PDSS2: variants seen among roughly 807,000 people sequenced by gnomAD.
PDSS2 encodes decaprenyl diphosphate synthase subunit 2.
In PDSS2, 31 loss-of-function variants were observed where a neutral mutation model predicts 44.5. That is an observed-to-expected ratio of 0.70 (90% CI 0.52 to 0.94). The LOEUF (loss-of-function observed/expected upper bound fraction) is 0.94, where lower values mean the gene tolerates loss of function less well. Ranked by LOEUF, PDSS2 falls within the 40% of genes least tolerant of loss-of-function variation. The probability of loss-of-function intolerance (pLI) is 0.00; values close to 1 mark genes in which losing one functional copy is unlikely to be tolerated. For synonymous variants in PDSS2, 157 were observed against 180.3 expected (o/e 0.87, Z 1.03); for missense variants, 452 against 482.2 (o/e 0.94, Z 0.59).
rs60758453 is a variant in PDSS2 at position 107,458,412 on chromosome 6, C to CAAAAAAAAAAAAAAAAAAAAAA, written c.296+577_296+578insTTTTTTTTTTTTTTTTTTTTTT. Among the ~76,000 whole-genome samples the CAAAAAAAAAAAAAAAAAAAAAA allele has an allele frequency of 1.0e-3, 80 of 78,138 alleles. 12 individuals carry two copies. Among genetic ancestry groups the CAAAAAAAAAAAAAAAAAAAAAA allele is most frequent in the African/African-American group, 2.6e-3 (40 of 15,628 alleles). The allele number at this position is 78,138 out of a possible 152,430, so 51.3% of individuals were successfully genotyped here. On this transcript the variant is annotated intron_variant, in intron 1 of 7. Coordinates refer to ENST00000369037, the MANE Select transcript of PDSS2 (RefSeq NM_020381.4). ...TGGGCGACAAAGCGAGACTCCGTCT[C>CAAAAAAAAAAAAAAAAAAAAAA]AAAAAAAAAAAAAAAAAAAACTTTT...
intron 1 of PDSS2, among the ~76,000 whole-genome samples, chr6:107,388,696 G>C (rs1159132020): frequency 6.6e-6 from 1 of 152,118 alleles, no homozygotes; most frequent in South Asian, 2.1e-4. Flanking sequence ...CTGACGTCGT[G>C]ATCCACCCAC....
chr6:107,276,455 G>T (rs1162268454), intron 2 of PDSS2, among the ~76,000 whole-genome samples: 1 of 152,154 alleles, frequency 6.6e-6, no homozygotes, highest in African/African-American at 2.4e-5. Context: ...TAGTTCCTAG[G>T]TCCCTGACTG....
chr6:107,260,136 C>T (rs1408937680), intron 3 of PDSS2, among the ~76,000 whole-genome samples: 1 of 152,168 alleles, frequency 6.6e-6, no homozygotes, highest in African/African-American at 2.4e-5. Flanking sequence ...TCACAGTTTA[C>T]AATATCAGAA....
chr6:107,429,937 TAC>T (rs1554280500), intron 1 of PDSS2, among the ~76,000 whole-genome samples: 14 of 99,650 alleles, frequency 1.4e-4, no homozygotes, highest in East Asian at 3.1e-4. Context: ...TATATATATA[TAC>T]ACCAAACCCA....
chr6:107,411,879 C>CTTT (rs145161415), intron 1 of PDSS2, among the ~76,000 whole-genome samples: 215 of 93,780 alleles, frequency 2.3e-3, no homozygotes, highest in East Asian at 6.8e-3. Flanking sequence ...TCTTCTTCTT[C>CTTT]TTTTTTTTTT....
intron 2 of PDSS2, among the ~76,000 whole-genome samples, chr6:107,325,922 T>C (rs1269509367): frequency 6.6e-6 from 1 of 152,206 alleles, no homozygotes; most frequent in Admixed American, 6.5e-5. Context: ...TTTTCATTTA[T>C]AGTGTCAAGT....
intron 3 of PDSS2, among the ~76,000 whole-genome samples, chr6:107,267,266 G>A (rs190898644): frequency 2.4e-4 from 37 of 152,292 alleles, no homozygotes; most frequent in Non-Finnish European, 2.9e-5. Flanking sequence ...ATCCATGAAC[G>A]GCCAGCCTGT....
intron 4 of PDSS2, among the ~76,000 whole-genome samples, chr6:107,222,975 G>A (rs1320297323): frequency 5.4e-5 from 8 of 149,260 alleles, no homozygotes; most frequent in Non-Finnish European, 5.9e-5. Flanking sequence ...TTAAGATGGA[G>A]TATCACCCTG....
rs375560152 is a variant in PDSS2, at chr6:107,328,470, T to G, written c.431+5728A>C. Reference sequence around the variant, plus strand: ...TTTTTTATTTTAGTAGAGATGGGGTTTCACCACGTTGGCCAGGCTGGTCTC... The same window carrying G: ...TTTTTTATTTTAGTAGAGATGGGGTGTCACCACGTTGGCCAGGCTGGTCTC... On this transcript the variant is annotated intron_variant, in intron 2 of 7. Transcript: ENST00000369037. 5.3e-5 allele frequency among the ~76,000 whole-genome samples: 8 copies of G among 152,256 alleles called. No homozygotes were observed. In the South Asian group the frequency reaches 1.5e-3, roughly 28 times the overall value.
At chr6:107,316,621 C>CT (rs1473429414) in intron 2 of PDSS2, among the ~76,000 whole-genome samples, 6 of 152,002 alleles carry the variant, frequency 3.9e-5, no homozygotes, top group Non-Finnish European at 8.8e-5. Context: ...TAACAGATTT[C>CT]TTTTTTTCGT....
At chr6:107,187,454 C>G (rs1482261191) in intron 7 of PDSS2, among the ~76,000 whole-genome samples, 1 of 152,156 alleles carries the variant, frequency 6.6e-6, no homozygotes, top group Non-Finnish European at 1.5e-5. Flanking sequence ...CACCTGAGGT[C>G]GGGAGTTTGA....
intron 1 of PDSS2, among the ~76,000 whole-genome samples, chr6:107,417,090 T>A (rs1159285143): frequency 2.6e-5 from 4 of 152,016 alleles, no homozygotes; most frequent in Admixed American, 6.6e-5. Context: ...AAAATAAAAA[T>A]TTTTTTAAAG....
At chr6:107,201,412 A>AAAAAAC (rs1772771333) in intron 6 of PDSS2, among the ~76,000 whole-genome samples, 2 of 147,766 alleles carry the variant, frequency 1.4e-5, no homozygotes, top group South Asian at 2.1e-4. Context: ...AAAAAAAAAA[A>AAAAAAC]AAGCCAGCAC....
chr6:107,344,946 A>G (rs183778038), intron 1 of PDSS2, among the ~76,000 whole-genome samples: 19 of 152,278 alleles, frequency 1.2e-4, no homozygotes, highest in African/African-American at 4.6e-4. Flanking sequence ...ATATTTAGTC[A>G]CACTGAAAAC....
chr6:107,397,180 ATT>A (rs10534330), intron 1 of PDSS2, among the ~76,000 whole-genome samples: 105,988 of 147,662 alleles, frequency 0.72, 38,220 homozygotes, highest in Non-Finnish European at 0.79. Context: ...GGGTCCTGAG[ATT>A]TTTTTTTTTT....
chr6:107,169,616 C>T (rs550886102), intron 7 of PDSS2, among the ~76,000 whole-genome samples: 1 of 152,210 alleles, frequency 6.6e-6, no homozygotes, highest in East Asian at 1.9e-4. Context: ...GTTTTATCTA[C>T]ATTTGGTCTT....
chr6:107,210,278 C>A (rs1162690285), intron 6 of PDSS2, among the ~76,000 whole-genome samples, 161 bp downstream of exon 6: 2 of 152,180 alleles, frequency 1.3e-5, no homozygotes, highest in Non-Finnish European at 1.5e-5. Flanking sequence ...TTTAACTAAT[C>A]TTTTACCTCT....
chr6:107,398,861 A>AGTTCACATGAGAAAGGGGCTTCCCT (rs1780024325), intron 1 of PDSS2, among the ~76,000 whole-genome samples: 1 of 152,164 alleles, frequency 6.6e-6, no homozygotes, highest in African/African-American at 2.4e-5. Flanking sequence ...TGGCCATCTC[A>AGTTCACATGAGAAAGGGGCTTCCCT]GTTCACATGA....
At chr6:107,231,962 CAAAAA>C (rs5878909) in intron 4 of PDSS2, among the ~76,000 whole-genome samples, 1 of 137,768 alleles carries the variant, frequency 7.3e-6, no homozygotes, top group African/African-American at 2.7e-5. Flanking sequence ...AACTCTGTCT[CAAAAA>C]AAAAAAAAAA....
Sources: gnomAD v4.1 joint callset for allele counts (sites outside exome capture counted in the v4.1 genomes callset) on GRCh38, gnomAD v4.1.1 for gene constraint, MANE v1.5 for transcripts, NCBI Gene and HGNC (gene_info 2026-07-23, HGNC 2026-07-21) for gene names.